ANKRD29: variants seen among roughly 807,000 people sequenced by gnomAD.
ANKRD29 encodes the protein ankyrin repeat domain 29.
A neutral mutation model predicts 38.0 loss-of-function variants in ANKRD29; 32 were observed. That is an observed-to-expected ratio of 0.84 (90% CI 0.64 to 1.13). ANKRD29 has a LOEUF of 1.13. Among genes scored for constraint, ANKRD29 ranks in the 50% most tolerant of loss-of-function variants. The pLI, the probability that ANKRD29 is intolerant of heterozygous loss-of-function variation, is 0.00. For missense variants in ANKRD29, 357 were observed against 377.9 expected, an observed-to-expected ratio of 0.94 and a Z score of 0.46; for synonymous variants, 135 against 152.4, an observed-to-expected ratio of 0.89 and a Z score of 0.84.
chr18:23,634,085 A>C lies in ANKRD29; in HGVS notation c.395T>G (p.Leu132Arg), dbSNP rs1261404668. The change falls in exon 5 of 10, where the codon CTG (leucine) becomes CGG (arginine). Residue 132 changes from leucine (L) to arginine (R), a missense_variant. Coordinates refer to ENST00000592179, the MANE Select transcript of ANKRD29 (RefSeq NM_173505.4). ...GTCATGGATGTTTGCTCCGTGCTTC[A>C]GCAAGGTCTCCACCACCTGCATGTG... is the stretch of plus-strand genomic sequence containing the variant. ...YGHMQVVETL[L>R]KHGANIHDQL... is the part of the protein sequence containing the mutation. The C allele has an allele frequency of 6.2e-7, 1 of 1,614,190 alleles. No homozygotes were observed. Among genetic ancestry groups the C allele is most frequent in the East Asian group, 2.2e-5 (1 of 44,874 alleles).
In ANKRD29 at chr18:23,599,679, TA is replaced by T. The variant is rs1404581780; in HGVS notation, c.*1546del. The T allele has an allele frequency of 6.6e-6, 1 of 152,226 alleles. No homozygotes were observed. The allele number at this position is 152,226 out of a possible 1,614,324, so 9.4% of individuals were successfully genotyped here. Reference sequence around the variant, plus strand: ...GATGTTTTAGCAACAGAGAGCTTTCTAATATTTTATCCTAGAATCAGGTTGC... The same window carrying T: ...GATGTTTTAGCAACAGAGAGCTTTCTATATTTTATCCTAGAATCAGGTTGC... On this transcript the variant is annotated 3_prime_UTR_variant, in exon 10 of 10. Coordinates refer to ENST00000592179, the MANE Select transcript of ANKRD29 (RefSeq NM_173505.4).
chr18:23,662,630 C>T, intron 1 of ANKRD29, 80 bp downstream of exon 1: 1 of 471,844 alleles, frequency 2.1e-6, no homozygotes, highest in Non-Finnish European at 3.7e-6. Context: ...CCATCCCACC[C>T]CATCCCACCC....
chr18:23,618,413 C>G (rs771531616), intron 7 of ANKRD29: 1 of 152,224 alleles, frequency 6.6e-6, no homozygotes, highest in Admixed American at 6.6e-5. Context: ...CTTGAAACCC[C>G]GTCTCTACCA....
intron 7 of ANKRD29, 123 bp downstream of exon 7, chr18:23,619,408 T>C: frequency 1.1e-6 from 1 of 928,806 alleles, no homozygotes. Context: ...GACTTTGTTT[T>C]CCTGCTCAAG....
chr18:23,654,005 C>T (rs1301902325), intron 1 of ANKRD29, among the ~76,000 whole-genome samples: 3 of 152,180 alleles, frequency 2.0e-5, no homozygotes, highest in African/African-American at 4.8e-5. Context: ...CGGTGTCTCA[C>T]GCCTGTAATC....
intron 9 of ANKRD29, among the ~76,000 whole-genome samples, chr18:23,611,232 G>A (rs2059637919): frequency 6.6e-6 from 1 of 152,202 alleles, no homozygotes; most frequent in South Asian, 2.1e-4. Flanking sequence ...TATAGCACAA[G>A]CAATTTTCAA....
chr18:23,634,278 G>GTTTTTTTT lies in ANKRD29; in HGVS notation c.331-137_331-130dup, dbSNP rs71163626. ...AGATAATAACAAACTCACTTTCCCT[G>GTTTTTTTT]TTTTTTTTTTTTTTTTTTTTTTTTT... On this transcript the variant is annotated intron_variant, in intron 4 of 9. Coordinates refer to ENST00000592179, the MANE Select transcript of ANKRD29 (RefSeq NM_173505.4). The GTTTTTTTT allele has an allele frequency of 6.7e-5, 25 of 373,180 alleles. 1 individual carries two copies. Among genetic ancestry groups the GTTTTTTTT allele is most frequent in the Non-Finnish European group, 8.9e-5 (20 of 224,148 alleles). 23.1% of individuals were successfully genotyped at this position (373,180 alleles called of 1,614,324 possible).
intron 8 of ANKRD29, 26 bp downstream of exon 8, chr18:23,617,706 T>G: frequency 1.3e-6 from 2 of 1,588,030 alleles, no homozygotes; most frequent in Non-Finnish European, 1.7e-6. Context: ...TCTTACAGAT[T>G]AGTAAAATTT....
At chr18:23,649,670 A>G (rs887729453) in intron 1 of ANKRD29, 1 of 413,144 alleles carries the variant, frequency 2.4e-6, no homozygotes, top group Non-Finnish European at 4.8e-6. Flanking sequence ...AATGCTTTCT[A>G]TCTGATTCCA....
intron 1 of ANKRD29, 48 bp downstream of exon 1, chr18:23,662,662 C>T (rs1360873435): frequency 2.2e-6 from 3 of 1,378,568 alleles, no homozygotes; most frequent in African/African-American, 3.1e-5. Flanking sequence ...GCGGGCCCGG[C>T]CGCCCGAGCC....
At chr18:23,645,641 A>C (rs574824554) in intron 3 of ANKRD29, among the ~76,000 whole-genome samples, 1 of 152,330 alleles carries the variant, frequency 6.6e-6, no homozygotes, top group South Asian at 2.1e-4. Context: ...AAGCAAGACC[A>C]AACTCCCAAG....
At chr18:23,659,885 C>T (rs893304958) in intron 1 of ANKRD29, among the ~76,000 whole-genome samples, 1 of 151,806 alleles carries the variant, frequency 6.6e-6, no homozygotes, top group Non-Finnish European at 1.5e-5. Context: ...CCGAGGCAGG[C>T]AGATTACCTG....
chr18:23,606,366 T>C (rs1322695579), intron 9 of ANKRD29, among the ~76,000 whole-genome samples: 1 of 152,256 alleles, frequency 6.6e-6, no homozygotes, highest in Non-Finnish European at 1.5e-5. Flanking sequence ...GCGATCCTGC[T>C]GCCTCAACCT....
At chr18:23,647,507 G>C (rs769372960) in intron 2 of ANKRD29, 7 of 152,084 alleles carry the variant, frequency 4.6e-5, no homozygotes, top group Non-Finnish European at 8.8e-5. Flanking sequence ...AAAGCTAATG[G>C]CTTCTTAGTG....
chr18:23,612,491 A>G (rs2059656239), intron 8 of ANKRD29, among the ~76,000 whole-genome samples: 1 of 152,268 alleles, frequency 6.6e-6, no homozygotes, highest in Non-Finnish European at 1.5e-5. Context: ...TTGCTGCAGA[A>G]GAAACAACAA....
At chr18:23,650,033 A>G (rs953575345) in intron 1 of ANKRD29, among the ~76,000 whole-genome samples, 6 of 149,320 alleles carry the variant, frequency 4.0e-5, no homozygotes, top group African/African-American at 1.2e-4. Flanking sequence ...CGGCCCCTCC[A>G]TCTAATTTTC....
chr18:23,647,288 AATGAG>A (rs973375976), intron 2 of ANKRD29: 7 of 152,236 alleles, frequency 4.6e-5, no homozygotes, highest in Non-Finnish European at 7.3e-5. Context: ...TAAATTACTG[AATGAG>A]ATAAGTCAGG....
At chr18:23,629,398 T>C (rs2145682952) in intron 6 of ANKRD29, among the ~76,000 whole-genome samples, 1 of 152,388 alleles carries the variant, frequency 6.6e-6, no homozygotes, top group Admixed American at 6.5e-5. Flanking sequence ...CAGAACCTCC[T>C]AATGATTCCA....
At chr18:23,603,745 A>G (rs1265991184) in intron 9 of ANKRD29, among the ~76,000 whole-genome samples, 1 of 152,210 alleles carries the variant, frequency 6.6e-6, no homozygotes, top group Admixed American at 6.5e-5. Flanking sequence ...ATAGTGATCT[A>G]TGAAAAAAGT....
Sources: allele counts gnomAD v4.1 joint callset (sites outside exome capture counted in the v4.1 genomes callset), GRCh38; gene constraint gnomAD v4.1.1; transcripts MANE v1.5; gene names NCBI Gene and HGNC (gene_info 2026-07-23, HGNC 2026-07-21).